Variants in ARMC1 observed in about 807,000 individuals in gnomAD.
The protein encoded by ARMC1 is armadillo repeat containing 1.
ARMC1 carries 16 observed loss-of-function variants against 31.4 expected under a neutral mutation model. That is an observed-to-expected ratio of 0.51 (90% CI 0.34 to 0.77). ARMC1 has a LOEUF of 0.77. ARMC1 is among the 30% of genes least tolerant of loss of function. The pLI is 0.01. For synonymous variants in ARMC1, 114 were observed against 118.9 expected (o/e 0.96, Z 0.27); for missense variants, 259 against 347.5 (o/e 0.75, Z 2.02).
At chr8:65,621,655 C>T (rs1422254601) in intron 3 of ARMC1, among the ~76,000 whole-genome samples, 1 of 151,912 alleles carries the variant, frequency 6.6e-6, no homozygotes, top group Non-Finnish European at 1.5e-5. Context: ...ATTACAGGCA[C>T]GTGCCACCAC....
chr8:65,614,823 T>C (rs1203493210), intron 3 of ARMC1, among the ~76,000 whole-genome samples: 1 of 152,212 alleles, frequency 6.6e-6, no homozygotes, highest in East Asian at 1.9e-4. Context: ...TTCCAACTCT[T>C]ATTTCAATGC....
intron 4 of ARMC1, 60 bp from the exon 5 acceptor site, chr8:65,605,598 A>G: frequency 2.5e-6 from 3 of 1,217,284 alleles, no homozygotes; most frequent in South Asian, 1.2e-5. Flanking sequence ...TAAATCAGTG[A>G]AAACCAAGCT....
At chr8:65,616,495 C>CCCAG (rs1808262075) in intron 3 of ARMC1, among the ~76,000 whole-genome samples, 1 of 152,156 alleles carries the variant, frequency 6.6e-6, no homozygotes, top group African/African-American at 2.4e-5. Flanking sequence ...ACCTCCACCT[C>CCCAG]CCAGCCGCCT....
chr8:65,623,814 T>C (rs1808452926), intron 2 of ARMC1, among the ~76,000 whole-genome samples: 1 of 115,418 alleles, frequency 8.7e-6, no homozygotes, highest in South Asian at 2.8e-4. Context: ...TTTTTTTTGG[T>C]GTGATGGAGT....
intron 1 of ARMC1, chr8:65,633,039 G>A (rs1416174264): frequency 6.6e-6 from 1 of 152,226 alleles, no homozygotes; most frequent in Non-Finnish European, 1.5e-5. Context: ...GGGAGAGTCT[G>A]AGATTCCGCA....
At chr8:65,618,237 G>A (rs143425572) in intron 3 of ARMC1, among the ~76,000 whole-genome samples, 40 of 151,340 alleles carry the variant, frequency 2.6e-4, no homozygotes, top group African/African-American at 9.2e-4. Flanking sequence ...AGAACCTAAT[G>A]TAAGGCCAGG....
chr8:65,620,451 G>A (rs952369871), intron 3 of ARMC1, among the ~76,000 whole-genome samples: 4 of 151,310 alleles, frequency 2.6e-5, no homozygotes, highest in African/African-American at 7.3e-5. Context: ...ACAGGTGCCC[G>A]CCACCTCACC....
chr8:65,613,346 A>G lies in ARMC1; in HGVS notation c.363T>C (p.Phe121=), dbSNP rs748841839. The change falls in exon 4 of 7, where the codon TTT becomes TTC. Residue 121 remains phenylalanine (F), a synonymous_variant. Coordinates refer to ENST00000276569, the MANE Select transcript of ARMC1 (RefSeq NM_018120.6). The part of the protein sequence containing the change: ...QSSNMADGDS[F]NEMNSRRRKA... ...TCCTTCGACGTGAATTCATCTCATT[A>G]AAACTATCACCATCTGCCATATTGG... 2 of 1,612,730 alleles carry G rather than the reference A, an allele frequency of 1.2e-6. No homozygotes were observed. Among genetic ancestry groups the G allele is most frequent in the South Asian group, 2.2e-5 (2 of 90,698 alleles).
intron 1 of ARMC1, among the ~76,000 whole-genome samples, chr8:65,628,568 A>G (rs1480271013): frequency 6.7e-6 from 1 of 149,606 alleles, no homozygotes; most frequent in Non-Finnish European, 1.5e-5. Context: ...TTTTAAAATC[A>G]GTATTTTGGC....
At chr8:65,612,551 T>C (rs1206989868) in intron 4 of ARMC1, among the ~76,000 whole-genome samples, 3 of 152,080 alleles carry the variant, frequency 2.0e-5, no homozygotes, top group Non-Finnish European at 4.4e-5. Context: ...ATTTCTAATT[T>C]GCATTCACTG....
rs557383084 is a variant in ARMC1 at position 65,602,820 on chromosome 8, C to CTTTTTTTTTTT, written c.*1573_*1574insAAAAAAAAAAA. 1 of 137,518 alleles carries CTTTTTTTTTTT rather than the reference C, an allele frequency of 7.3e-6. No individual in the cohort carries two copies. Among genetic ancestry groups the CTTTTTTTTTTT allele is most frequent in the Non-Finnish European group, 1.6e-5 (1 of 62,676 alleles). 8.5% of individuals were successfully genotyped at this position (137,518 alleles called of 1,614,324 possible). On this transcript the variant is annotated 3_prime_UTR_variant, in exon 7 of 7. Coordinates refer to ENST00000276569, the MANE Select transcript of ARMC1 (RefSeq NM_018120.6). The stretch of plus-strand genomic sequence containing the variant: ...ATAGGTGCCCTGAAAGTTATTGTTG[C>CTTTTTTTTTTT]TTTTTTTGTTTTTTTTTTTTCAGTT...
rs751888002 is a variant in ARMC1 at position 65,627,439 on chromosome 8, G to C, written c.-35-6C>G. 6.7e-7 allele frequency: 1 copy of C among 1,482,954 alleles called. No homozygotes were observed. 91.9% of individuals were successfully genotyped at this position (1,482,954 alleles called of 1,614,324 possible). On this transcript the variant is annotated splice_region_variant and splice_polypyrimidine_tract_variant and intron_variant, in intron 1 of 6. Transcript: ENST00000276569. ...CATGAATAAAATCTTAAATTCTGTA[G>C]AAAAGGTTTGCAGAATTAGTTCTAG...
Position 65,603,102 on chromosome 8 carries a change from C to G in ARMC1, c.*1292G>C, listed in dbSNP as rs568329126. On this transcript the variant is annotated 3_prime_UTR_variant, in exon 7 of 7. Transcript: ENST00000276569. ...TCTTCCTATTTGTTTTTACTCATAT[C>G]AACATTAATATGTATCTGGATTTAT... The G allele has an allele frequency of 2.6e-5, 4 of 152,098 alleles. No individual in the cohort carries two copies. In the East Asian group the frequency reaches 7.7e-4, roughly 29 times the overall value. The allele number at this position is 152,098 out of a possible 1,614,324, so 9.4% of individuals were successfully genotyped here.
rs561352733 is a variant in ARMC1 at position 65,605,429 on chromosome 8, T to C, written c.575A>G (p.Lys192Arg). 1 of 1,613,914 alleles carries C rather than the reference T, an allele frequency of 6.2e-7. No individual in the cohort carries two copies. Among genetic ancestry groups the C allele is most frequent in the Non-Finnish European group, 8.5e-7 (1 of 1,179,896 alleles). The change falls in exon 5 of 7, where the codon AAA (lysine) becomes AGA (arginine). Residue 192 changes from lysine to arginine, a missense_variant. Lys to Arg is a conservative substitution (Grantham distance 26, BLOSUM62 2). Transcript: ENST00000276569. ...RCVVRIRSDL[K>R]AEALASAIAS... is the part of the protein sequence containing the mutation. The stretch of plus-strand genomic sequence containing the variant: ...GTCTTTTAAAATACTTACCTCAGCT[T>C]TCAAATCTGAACGGATTCGCACCAC...
intron 1 of ARMC1, among the ~76,000 whole-genome samples, chr8:65,630,593 C>T (rs1406469961): frequency 3.9e-5 from 6 of 152,108 alleles, no homozygotes; most frequent in South Asian, 2.1e-4. Context: ...CCAATGCAGC[C>T]GGATCGCCTG....
At chr8:65,614,460 A>G (rs188014729) in intron 3 of ARMC1, among the ~76,000 whole-genome samples, 2 of 152,376 alleles carry the variant, frequency 1.3e-5, no homozygotes, top group African/African-American at 4.8e-5. Context: ...ATTGCCAAAC[A>G]GAGTGAGTGG....
chr8:65,611,928 T>A (rs1039093198), intron 4 of ARMC1, among the ~76,000 whole-genome samples: 1 of 151,792 alleles, frequency 6.6e-6, no homozygotes, highest in African/African-American at 2.4e-5. Flanking sequence ...CGCACCACCA[T>A]GCCCAGCTAA....
chr8:65,631,610 T>C (rs1808645946), intron 1 of ARMC1, among the ~76,000 whole-genome samples: 1 of 152,208 alleles, frequency 6.6e-6, no homozygotes, highest in Admixed American at 6.5e-5. Context: ...GAGATAGCAA[T>C]AGAACAGTTA....
In ARMC1 at chr8:65,626,166, C is replaced by T. The variant is rs111975149; in HGVS notation, c.183+1050G>A. 3.9e-5 allele frequency among the ~76,000 whole-genome samples: 6 copies of T among 152,272 alleles called. 1 individual carries two copies. The highest frequency in any genetic ancestry group is 1.4e-4 in the African/African-American group (6 of 41,556). On this transcript the variant is annotated intron_variant, in intron 2 of 6. Coordinates refer to ENST00000276569, the MANE Select transcript of ARMC1 (RefSeq NM_018120.6). Reference sequence around the variant, plus strand: ...TCGGCCTCCCAAAGTGCTAGGATTACAGGAGTGAGCCACCACGTCTGGCCC... The same window carrying T: ...TCGGCCTCCCAAAGTGCTAGGATTATAGGAGTGAGCCACCACGTCTGGCCC...
Sources: allele counts gnomAD v4.1 joint callset (sites outside exome capture counted in the v4.1 genomes callset), GRCh38; gene constraint gnomAD v4.1.1; transcripts MANE v1.5; gene names NCBI Gene and HGNC (gene_info 2026-07-23, HGNC 2026-07-21).